The following WWOX variants were observed in gnomAD, a reference collection of about 807,000 sequenced individuals.
WWOX encodes the protein WW domain-containing oxidoreductase.
In WWOX, 69 loss-of-function variants were observed where a neutral mutation model predicts 46.2. The ratio of observed to expected loss-of-function variants is 1.49; its 90% CI spans 1.23 to 1.82. WWOX has a LOEUF of 1.82. Ranked by LOEUF, WWOX falls within the 40% of genes most tolerant of loss-of-function variation. WWOX has a pLI of 0.00. For missense variants in WWOX, 919 were observed against 542.6 expected, an observed-to-expected ratio of 1.69 and a Z score of -6.89; for synonymous variants, 359 against 202.6, an observed-to-expected ratio of 1.77 and a Z score of -6.56.
intron 8 of WWOX, among the ~76,000 whole-genome samples, chr16:78,443,735 T>C (rs1388070975): frequency 1.3e-5 from 2 of 152,242 alleles, no homozygotes; most frequent in Non-Finnish European, 2.9e-5. Flanking sequence ...TGTGTGCCCG[T>C]TGGCATTTTG....
chr16:79,122,112 C>T (rs2150677667), intron 8 of WWOX, among the ~76,000 whole-genome samples: 1 of 152,308 alleles, frequency 6.6e-6, no homozygotes, highest in Non-Finnish European at 1.5e-5. Flanking sequence ...GCTGACGGGG[C>T]TGTTCCACCT....
chr16:78,951,570 A>G (rs1425408303), intron 8 of WWOX, among the ~76,000 whole-genome samples: 1 of 152,156 alleles, frequency 6.6e-6, no homozygotes, highest in Non-Finnish European at 1.5e-5. Context: ...AAAGACAAAA[A>G]CAACAGGGCT....
intron 8 of WWOX, among the ~76,000 whole-genome samples, chr16:78,594,175 C>T (rs942241268): frequency 6.7e-6 from 1 of 148,294 alleles, no homozygotes; most frequent in Non-Finnish European, 1.5e-5. Context: ...TGCTTTATCT[C>T]TTGGAATCCT....
intron 8 of WWOX, among the ~76,000 whole-genome samples, chr16:79,059,829 T>C (rs2048328007): frequency 6.6e-6 from 1 of 152,248 alleles, no homozygotes; most frequent in South Asian, 2.1e-4. Context: ...TACCCTCTTA[T>C]TACTTAAAAG....
At chr16:78,691,184 A>G (rs937775707) in intron 8 of WWOX, 27 of 699,748 alleles carry the variant, frequency 3.9e-5, no homozygotes, top group Middle Eastern at 2.3e-4. Flanking sequence ...CGATAAGAGA[A>G]TAGATGTAGG....
rs57795116 is a variant in WWOX, at chr16:79,208,631, A to ATT, written c.1057-2968_1057-2967dup. Among the ~76,000 whole-genome samples, 437 of 151,132 alleles carry ATT rather than the reference A, an allele frequency of 2.9e-3. 1 individual carries two copies. Among genetic ancestry groups the ATT allele is most frequent in the Admixed American group, 5.2e-3 (79 of 15,218 alleles). ...TGATGGTGATTAAAGTGCTCTTTAA[A>ATT]TTTTTTTTTTAATCAGTTTAAGAAT... On this transcript the variant is annotated intron_variant, in intron 8 of 8. Transcript: ENST00000566780.
Position 78,432,796 on chromosome 16 carries a change from A to G in WWOX, c.1056+44A>G. 1.9e-6 allele frequency: 3 copies of G among 1,613,632 alleles called. No individual in the cohort carries two copies. In the South Asian group the frequency reaches 3.3e-5, roughly 18 times the overall value. ...GCGCCGCAAACACCTTGGGTCCTAG[A>G]GAAACCTGCACACTTGTGTCTCCAC... is the stretch of plus-strand genomic sequence containing the variant. On this transcript the variant is annotated intron_variant, in intron 8 of 8. Transcript: ENST00000566780.
intron 8 of WWOX, among the ~76,000 whole-genome samples, chr16:78,637,985 A>C (rs1395027866): frequency 6.6e-6 from 1 of 152,092 alleles, no homozygotes; most frequent in Non-Finnish European, 1.5e-5. Context: ...ATCACTTTCA[A>C]CTTGCTCACC....
intron 8 of WWOX, among the ~76,000 whole-genome samples, chr16:78,849,211 A>T (rs59584899): frequency 0.012 from 1,896 of 152,128 alleles, 44 homozygotes; most frequent in African/African-American, 0.044. Context: ...GGGAGCACTC[A>T]CCTTTGGGCA....
chr16:78,375,279 A>C (rs1216259505), intron 5 of WWOX, among the ~76,000 whole-genome samples: 1 of 152,226 alleles, frequency 6.6e-6, no homozygotes, highest in Admixed American at 6.5e-5. Context: ...AGTGTGGCCA[A>C]CTTCCGAGAG....
chr16:78,915,220 T>C (rs1226426137), intron 8 of WWOX, among the ~76,000 whole-genome samples: 1 of 152,180 alleles, frequency 6.6e-6, no homozygotes, highest in Non-Finnish European at 1.5e-5. Context: ...ATGATTCATT[T>C]GGGTTGTACC....
chr16:78,313,869 T>C (rs969367333), intron 5 of WWOX, among the ~76,000 whole-genome samples: 2 of 152,170 alleles, frequency 1.3e-5, no homozygotes, highest in Admixed American at 6.5e-5. Flanking sequence ...CTGTCATTCA[T>C]CAGAATTCAT....
At chr16:78,429,865 A>T (rs9924307) in intron 7 of WWOX, among the ~76,000 whole-genome samples, 2 of 152,100 alleles carry the variant, frequency 1.3e-5, no homozygotes, top group East Asian at 3.9e-4. Context: ...GGGCCAGGCT[A>T]CAGGAAAGAT....
chr16:78,412,653 G>A (rs1175973215), intron 6 of WWOX, among the ~76,000 whole-genome samples: 1 of 152,146 alleles, frequency 6.6e-6, no homozygotes, highest in South Asian at 2.1e-4. Flanking sequence ...TGAGGGAGGA[G>A]CAGGATCCTC....
At chr16:78,643,533 A>G (rs754855277) in intron 8 of WWOX, among the ~76,000 whole-genome samples, 10 of 152,094 alleles carry the variant, frequency 6.6e-5, no homozygotes, top group Non-Finnish European at 1.5e-4. Context: ...AAGGCAAATG[A>G]CTTCCACATC....
intron 8 of WWOX, among the ~76,000 whole-genome samples, chr16:78,835,849 C>G (rs756302981): frequency 3.3e-5 from 5 of 152,318 alleles, no homozygotes; most frequent in Admixed American, 6.5e-5. Context: ...AAATTCAAAT[C>G]TGAATTCAAC....
chr16:78,511,976 C>G (rs748984208), intron 8 of WWOX, among the ~76,000 whole-genome samples: 3 of 152,200 alleles, frequency 2.0e-5, no homozygotes, highest in African/African-American at 4.8e-5. Flanking sequence ...TCTCATAGAT[C>G]CACTTTACAT....
chr16:78,472,752 T>A (rs1340516383), intron 8 of WWOX, among the ~76,000 whole-genome samples: 9 of 135,866 alleles, frequency 6.6e-5, no homozygotes, highest in Middle Eastern at 4.6e-3. Context: ...GAGGTTGCAG[T>A]GAGCCGAGAT....
rs191840829 is a variant in WWOX at position 78,559,765 on chromosome 16, G to T, written c.1056+127013G>T. Among the ~76,000 whole-genome samples the T allele has an allele frequency of 9.2e-4, 140 of 152,308 alleles. 1 individual carries two copies. Among genetic ancestry groups the T allele is most frequent in the African/African-American group, 3.2e-3 (134 of 41,566 alleles). On this transcript the variant is annotated intron_variant, in intron 8 of 8. Transcript: ENST00000566780. ...TTCTAACTAATGACTTTAATCGTGT[G>T]AATGTATTGCAGAAATGGACAGGAC...
Sources: allele counts gnomAD v4.1 joint callset (sites outside exome capture counted in the v4.1 genomes callset), GRCh38; gene constraint gnomAD v4.1.1; transcripts MANE v1.5; gene names NCBI Gene and HGNC (gene_info 2026-07-23, HGNC 2026-07-21).